HDAC9: variants seen among roughly 807,000 people sequenced by gnomAD.
The protein encoded by HDAC9 is MEF-2 interacting transcription repressor (MITR) protein.
HDAC9 carries 41 observed loss-of-function variants against 139.4 expected under a neutral mutation model. The observed-to-expected ratio is 0.29, with a 90% confidence interval of 0.23 to 0.38. The LOEUF is 0.38. Ranked by LOEUF, HDAC9 falls within the 10% of genes least tolerant of loss-of-function variation. The pLI, the probability that HDAC9 is intolerant of heterozygous loss-of-function variation, is 1.00. For missense variants in HDAC9, 1,147 were observed against 1,297.0 expected (o/e 0.88, Z 1.78); for synonymous variants, 517 against 476.2 (o/e 1.09, Z -1.12).
intron 1 of HDAC9, among the ~76,000 whole-genome samples, chr7:18,437,166 G>T (rs1477153791): frequency 2.0e-5 from 3 of 152,082 alleles, no homozygotes; most frequent in Admixed American, 1.3e-4. Flanking sequence ...TAGCCTTTAA[G>T]GTCTGAGGGT....
chr7:18,680,869 G>A (rs1000735858), intron 12 of HDAC9, among the ~76,000 whole-genome samples: 1 of 151,948 alleles, frequency 6.6e-6, no homozygotes, highest in African/African-American at 2.4e-5. Flanking sequence ...CTGAAATTTT[G>A]ACTGTTTGTT....
At chr7:18,727,416 G>A (rs554424901) in intron 12 of HDAC9, among the ~76,000 whole-genome samples, 164 bp from the exon 13 acceptor site, 25 of 152,230 alleles carry the variant, frequency 1.6e-4, no homozygotes, top group African/African-American at 6.0e-4. Context: ...TTTATTGACT[G>A]GATCTTGTTT....
intron 21 of HDAC9, among the ~76,000 whole-genome samples, chr7:18,865,170 T>A (rs1798398534): frequency 6.6e-6 from 1 of 151,872 alleles, no homozygotes; most frequent in Admixed American, 6.6e-5. Flanking sequence ...GGTAAAGAGG[T>A]AGTATGGGCC....
chr7:18,945,765 A>G (rs890138556), intron 23 of HDAC9, among the ~76,000 whole-genome samples: 2 of 151,804 alleles, frequency 1.3e-5, no homozygotes, highest in Non-Finnish European at 2.9e-5. Flanking sequence ...TCAGCCAGGC[A>G]CAGTGGCTCA....
At chr7:18,624,730 G>C (rs1841176120) in intron 6 of HDAC9, among the ~76,000 whole-genome samples, 1 of 151,640 alleles carries the variant, frequency 6.6e-6, no homozygotes, top group Admixed American at 6.6e-5. Flanking sequence ...CAGCACACTA[G>C]GCCATTAATT....
In HDAC9 at chr7:18,699,972, G is replaced by T. The variant is rs532673865; in HGVS notation, c.1732-27608G>T. 5.3e-5 allele frequency among the ~76,000 whole-genome samples: 8 copies of T among 152,058 alleles called. No homozygotes were observed. In the South Asian group the frequency reaches 1.7e-3, roughly 32 times the overall value. On this transcript the variant is annotated intron_variant, in intron 12 of 25. Coordinates refer to ENST00000686413, the MANE Select transcript of HDAC9 (RefSeq NM_178425.4). ...TTTTTTCTATTGACATGTTAACGTT[G>T]TTCTGTGTTCCTAAATGTTCCTCAA...
intron 1 of HDAC9, among the ~76,000 whole-genome samples, chr7:18,316,250 T>C (rs1211468112): frequency 6.6e-6 from 1 of 152,190 alleles, no homozygotes; most frequent in Non-Finnish European, 1.5e-5. Flanking sequence ...CACAAGGTCC[T>C]GCACAATATG....
chr7:18,601,853 T>C (rs965564997), intron 6 of HDAC9, among the ~76,000 whole-genome samples: 1 of 152,188 alleles, frequency 6.6e-6, no homozygotes, highest in African/African-American at 2.4e-5. Context: ...TTGTACATCA[T>C]TGGATTTGAT....
intron 1 of HDAC9, among the ~76,000 whole-genome samples, chr7:18,343,623 T>C (rs995343132): frequency 6.6e-6 from 1 of 151,890 alleles, no homozygotes; most frequent in African/African-American, 2.4e-5. Context: ...TTGCTTAATG[T>C]ACATTTTTAA....
chr7:18,816,971 T>C (rs933760728), intron 17 of HDAC9, among the ~76,000 whole-genome samples: 3 of 152,026 alleles, frequency 2.0e-5, no homozygotes, highest in African/African-American at 7.2e-5. Context: ...TATTCAACTT[T>C]ACCCGAATAA....
chr7:18,323,313 C>T (rs899513302), intron 1 of HDAC9, among the ~76,000 whole-genome samples: 1 of 152,188 alleles, frequency 6.6e-6, no homozygotes, highest in Non-Finnish European at 1.5e-5. Context: ...AAGCTCTATT[C>T]TCTCTGTCAG....
chr7:18,568,020 G>GTGTGTATATATATATA (rs1402833122), intron 2 of HDAC9, among the ~76,000 whole-genome samples: 3 of 48,836 alleles, frequency 6.1e-5, no homozygotes, highest in African/African-American at 3.6e-4. Context: ...CAGGATATAT[G>GTGTGTATATATATATA]TATATGTATA....
At chr7:18,889,404 C>A (rs902778212) in intron 22 of HDAC9, among the ~76,000 whole-genome samples, 5 of 151,688 alleles carry the variant, frequency 3.3e-5, no homozygotes, top group Non-Finnish European at 7.4e-5. Context: ...TGTCTAGGCT[C>A]CAGAAATATT....
Position 18,412,161 on chromosome 7 carries a change from TA to T in HDAC9, c.-41-84100del, listed in dbSNP as rs575529554. ...CTGTATTTTCAATGTATGATGGGCT[TA>T]TAGGGTTATAACCCCATCCTAAGTG... On this transcript the variant is annotated intron_variant, in intron 1 of 3. Coordinates refer to the HDAC9 transcript ENST00000413509. Among the ~76,000 whole-genome samples, 15 of 152,208 alleles carry T rather than the reference TA, an allele frequency of 9.9e-5. No individual in the cohort carries two copies. In the East Asian group the frequency reaches 1.7e-3, roughly 18 times the overall value.
chr7:18,809,079 A>T (rs903436663), intron 17 of HDAC9, among the ~76,000 whole-genome samples: 2 of 152,122 alleles, frequency 1.3e-5, no homozygotes, highest in African/African-American at 4.8e-5. Flanking sequence ...TATCAAGAAT[A>T]CAAAATGGGG....
chr7:18,279,445 C>T (rs1316824941), intron 2 of HDAC9, among the ~76,000 whole-genome samples: 1 of 151,200 alleles, frequency 6.6e-6, no homozygotes. Context: ...AGATATATAT[C>T]TAGTATGAAT....
At chr7:18,902,408 A>G (rs1006232670) in intron 22 of HDAC9, among the ~76,000 whole-genome samples, 2 of 152,176 alleles carry the variant, frequency 1.3e-5, no homozygotes, top group Non-Finnish European at 2.9e-5. Flanking sequence ...CTTTTAGCCA[A>G]AAAAGAAGGA....
At chr7:18,582,897 A>G (rs1018078473) in intron 2 of HDAC9, among the ~76,000 whole-genome samples, 3 of 152,178 alleles carry the variant, frequency 2.0e-5, no homozygotes, top group African/African-American at 7.2e-5. Flanking sequence ...CTTTGGTCAT[A>G]CGCTTAGCCT....
chr7:18,900,425 A>G (rs1409578370), intron 22 of HDAC9, among the ~76,000 whole-genome samples: 1 of 152,134 alleles, frequency 6.6e-6, no homozygotes, highest in Non-Finnish European at 1.5e-5. Context: ...TAAACACACA[A>G]ATGCCAACCT....
Sources: gnomAD v4.1 joint callset for allele counts (sites outside exome capture counted in the v4.1 genomes callset) on GRCh38, gnomAD v4.1.1 for gene constraint, MANE v1.5 for transcripts, NCBI Gene and HGNC (gene_info 2026-07-23, HGNC 2026-07-21) for gene names.